The following KDM4C variants were observed in gnomAD, a reference collection of about 807,000 sequenced individuals.
The protein encoded by KDM4C is lysine-specific demethylase 4C.
In KDM4C, 81 loss-of-function variants were observed where a neutral mutation model predicts 129.3. The ratio of observed to expected loss-of-function variants is 0.63; its 90% CI spans 0.52 to 0.75. The LOEUF (loss-of-function observed/expected upper bound fraction) is 0.75, where lower values mean the gene tolerates loss of function less well. Among genes scored for constraint, KDM4C ranks in the 30% least tolerant of loss-of-function variants. The pLI, the probability that KDM4C is intolerant of heterozygous loss-of-function variation, is 0.00. For synonymous variants in KDM4C, 573 were observed against 456.1 expected, an observed-to-expected ratio of 1.26 and a Z score of -3.26; for missense variants, 1,457 against 1,304.0, an observed-to-expected ratio of 1.12 and a Z score of -1.81.
At chr9:7,155,161 T>C (rs967324518) in intron 19 of KDM4C, among the ~76,000 whole-genome samples, 1 of 152,158 alleles carries the variant, frequency 6.6e-6, no homozygotes, top group Non-Finnish European at 1.5e-5. Context: ...TTTTAATGTG[T>C]GCCCCAGGGT....
At chr9:6,910,743 C>T (rs1031899060) in intron 8 of KDM4C, among the ~76,000 whole-genome samples, 24 of 152,168 alleles carry the variant, frequency 1.6e-4, no homozygotes, top group Non-Finnish European at 3.1e-4. Flanking sequence ...TCAGTAGTTG[C>T]CCAAGAATGT....
intron 1 of KDM4C, among the ~76,000 whole-genome samples, chr9:6,740,516 A>G (rs1348198835): frequency 1.5e-5 from 2 of 135,256 alleles, no homozygotes; most frequent in African/African-American, 5.6e-5. Context: ...CACCCGGCCT[A>G]ATTTTTATTT....
intron 8 of KDM4C, among the ~76,000 whole-genome samples, chr9:6,951,274 C>T (rs1368412472): frequency 6.6e-6 from 1 of 152,184 alleles, no homozygotes; most frequent in Non-Finnish European, 1.5e-5. Context: ...CTTATTGCTT[C>T]TATCTAGCTG....
At chr9:6,811,291 C>G (rs1482405121) in intron 3 of KDM4C, among the ~76,000 whole-genome samples, 1 of 152,072 alleles carries the variant, frequency 6.6e-6, no homozygotes. Context: ...GCAGCTGGGA[C>G]CACAGGTGCG....
At chr9:6,951,053 C>T (rs1828055913) in intron 8 of KDM4C, among the ~76,000 whole-genome samples, 1 of 151,648 alleles carries the variant, frequency 6.6e-6, no homozygotes, top group Non-Finnish European at 1.5e-5. Context: ...TTTTTTTTAA[C>T]TTGACAATAA....
chr9:6,884,967 A>G (rs1845035942), intron 6 of KDM4C, among the ~76,000 whole-genome samples: 1 of 152,246 alleles, frequency 6.6e-6, no homozygotes, highest in African/African-American at 2.4e-5. Context: ...CTCTATTTCA[A>G]AAATAGTTTC....
chr9:7,156,811 G>T (rs1843222726), intron 19 of KDM4C, among the ~76,000 whole-genome samples: 2 of 152,136 alleles, frequency 1.3e-5, no homozygotes, highest in Admixed American at 1.3e-4. Flanking sequence ...TGTTCTTTTG[G>T]CTTAGGATTG....
intron 4 of KDM4C, among the ~76,000 whole-genome samples, chr9:6,846,411 A>G (rs1178384043): frequency 6.6e-6 from 1 of 152,326 alleles, no homozygotes; most frequent in African/African-American, 2.4e-5. Flanking sequence ...AATGATAACT[A>G]GGTGCATTTT....
chr9:7,020,817 C>A (rs1004233846), intron 15 of KDM4C, among the ~76,000 whole-genome samples: 1 of 152,130 alleles, frequency 6.6e-6, no homozygotes, highest in African/African-American at 2.4e-5. Context: ...TACAAACAAT[C>A]CAGTTATACT....
intron 19 of KDM4C, among the ~76,000 whole-genome samples, chr9:7,157,419 C>T (rs1282341009): frequency 5.3e-5 from 8 of 152,114 alleles, no homozygotes; most frequent in Non-Finnish European, 1.0e-4. Context: ...GGAGGGCATC[C>T]TTGTCTTGTG....
chr9:7,107,376 T>G (rs1391074231), intron 18 of KDM4C, among the ~76,000 whole-genome samples: 1 of 152,248 alleles, frequency 6.6e-6, no homozygotes, highest in African/African-American at 2.4e-5. Flanking sequence ...ACTATATACT[T>G]CTGCAAAATA....
intron 12 of KDM4C, among the ~76,000 whole-genome samples, chr9:7,001,957 A>G (rs929771115): frequency 2.0e-5 from 3 of 152,200 alleles, no homozygotes; most frequent in Admixed American, 6.5e-5. Context: ...CAGTGGCACA[A>G]TCTTGGCTCA....
Position 7,013,975 on chromosome 9 carries a change from C to G in KDM4C, c.2156C>G (p.Ala719Gly). The change falls in exon 14 of 22, where the codon GCA (alanine) becomes GGA (glycine). Residue 719 changes from alanine (A) to glycine (G), a missense_variant. Ala to Gly is a moderately conservative substitution (Grantham distance 60). Coordinates refer to ENST00000381309, the MANE Select transcript of KDM4C (RefSeq NM_015061.6). Reference protein sequence around the residue: ...EDGTSLLISCAKCCVRVHASC... With the variant: ...EDGTSLLISCGKCCVRVHASC... ...GGAACAAGTCTCCTTATTTCCTGTG[C>G]AAAGTGCTGCGTACGGGTTCATGCA... 6.2e-7 allele frequency: 1 copy of G among 1,613,748 alleles called. No homozygotes were observed. The highest frequency in any genetic ancestry group is 8.5e-7 in the Non-Finnish European group (1 of 1,179,760).
At chr9:6,805,237 A>C (rs1347725416) in intron 2 of KDM4C, among the ~76,000 whole-genome samples, 2 of 152,286 alleles carry the variant, frequency 1.3e-5, no homozygotes, top group African/African-American at 2.4e-5. Flanking sequence ...ATAATCGCTC[A>C]GTGTGAATTC....
At position 7,068,682 on chromosome 9, in the gene KDM4C, C is replaced by CTCTCTTTTTTTTTTTTTTTT. The variant is rs1491581614; in HGVS notation, c.2424+19483_2424+19484insCTCTTTTTTTTTTTTTTTTT. Among the ~76,000 whole-genome samples the CTCTCTTTTTTTTTTTTTTTT allele has an allele frequency of 3.2e-4, 28 of 88,534 alleles. 12 individuals are homozygous for CTCTCTTTTTTTTTTTTTTTT. Among genetic ancestry groups the CTCTCTTTTTTTTTTTTTTTT allele is most frequent in the Non-Finnish European group, 4.8e-4 (21 of 43,514 alleles). 58.1% of individuals were successfully genotyped at this position (88,534 alleles called of 152,430 possible). ...CTATTTCATACATGTTTATGATGCCCTTTCTTTTTTTTTTTTTTTTTTTTT... is the reference window on the plus strand; with the variant it reads ...CTATTTCATACATGTTTATGATGCCCTCTCTTTTTTTTTTTTTTTTTTTCTTTTTTTTTTTTTTTTTTTTT... On this transcript the variant is annotated intron_variant, in intron 17 of 21. Transcript: ENST00000381309.
chr9:6,949,729 G>A (rs191929901), intron 8 of KDM4C, among the ~76,000 whole-genome samples: 1 of 152,236 alleles, frequency 6.6e-6, no homozygotes, highest in Non-Finnish European at 1.5e-5. Context: ...GCAATCGCAG[G>A]CACTCAGCAG....
intron 12 of KDM4C, among the ~76,000 whole-genome samples, chr9:7,007,526 C>G (rs1004241891): frequency 5.9e-5 from 9 of 152,286 alleles, no homozygotes; most frequent in Non-Finnish European, 8.8e-5. Flanking sequence ...TTGATTAAGG[C>G]AAGCTGATTA....
chr9:7,034,104 G>A (rs1406379086), intron 15 of KDM4C, among the ~76,000 whole-genome samples: 1 of 151,416 alleles, frequency 6.6e-6, no homozygotes, highest in Admixed American at 6.6e-5. Flanking sequence ...TGACATAATT[G>A]TACATATTCA....
At chr9:6,808,569 G>A (rs1475319667) in intron 3 of KDM4C, among the ~76,000 whole-genome samples, 1 of 148,212 alleles carries the variant, frequency 6.7e-6, no homozygotes. Flanking sequence ...AAGGCCTCAG[G>A]GTCCTCTGCC....
Sources: allele counts gnomAD v4.1 joint callset (sites outside exome capture counted in the v4.1 genomes callset), GRCh38; gene constraint gnomAD v4.1.1; transcripts MANE v1.5; gene names NCBI Gene and HGNC (gene_info 2026-07-23, HGNC 2026-07-21).